The following POU2AF2 variants were observed in gnomAD, a reference collection of about 807,000 sequenced individuals.
POU2AF2 encodes the protein POU domain class 2-associating factor 2.
At chr11:111,270,289 A>G in the POU2AF2 span, among the ~76,000 whole-genome samples, 8 of 152,240 alleles carry the variant, frequency 5.3e-5, no homozygotes, top group African/African-American at 1.9e-4. Context: ...GCATAAATTA[A>G]TGTTTTTGTG....
the POU2AF2 span, among the ~76,000 whole-genome samples, chr11:111,262,039 T>C: frequency 6.6e-6 from 1 of 152,226 alleles, no homozygotes; most frequent in Non-Finnish European, 1.5e-5. Context: ...CAAATCAGTA[T>C]TACTTACAGT....
the POU2AF2 span, among the ~76,000 whole-genome samples, chr11:111,285,063 A>G: frequency 6.6e-6 from 1 of 152,242 alleles, no homozygotes; most frequent in African/African-American, 2.4e-5. Flanking sequence ...GCAACAACTC[A>G]GGATATATTT....
At chr11:111,279,808 G>A in the POU2AF2 span, among the ~76,000 whole-genome samples, 1 of 151,796 alleles carries the variant, frequency 6.6e-6, no homozygotes, top group African/African-American at 2.4e-5. Context: ...TTGGGAGGCC[G>A]AAACAGGTAG....
At chr11:111,274,634 C>T in the POU2AF2 span, among the ~76,000 whole-genome samples, 45 of 150,598 alleles carry the variant, frequency 3.0e-4, no homozygotes, top group African/African-American at 1.0e-3. Context: ...AGCACCCCAC[C>T]CGATCCTCTT....
chr11:111,286,014 G>GTAT, the POU2AF2 span: 1 of 1,613,866 alleles, frequency 6.2e-7, no homozygotes, highest in Non-Finnish European at 8.5e-7. Context: ...GAAGATGGGA[G>GTAT]TATTGCCTGG....
the POU2AF2 span, chr11:111,281,422 C>G: frequency 1.2e-6 from 2 of 1,613,710 alleles, no homozygotes; most frequent in Non-Finnish European, 1.7e-6. Flanking sequence ...CTCTCAGTCT[C>G]CATTTGTGCA....
At chr11:111,283,937 C>A in the POU2AF2 span, 4 of 785,460 alleles carry the variant, frequency 5.1e-6, no homozygotes, top group Admixed American at 4.7e-5. Flanking sequence ...CTTTTCAAGA[C>A]ATTTCTCTAT....
chr11:111,261,593 G>A, the POU2AF2 span, among the ~76,000 whole-genome samples: 5 of 150,410 alleles, frequency 3.3e-5, no homozygotes, highest in African/African-American at 1.2e-4. Flanking sequence ...AAAACTTGCT[G>A]TGTAGGAAAA....
At chr11:111,266,346 G>T in the POU2AF2 span, among the ~76,000 whole-genome samples, 2 of 152,050 alleles carry the variant, frequency 1.3e-5, no homozygotes, top group African/African-American at 4.8e-5. Context: ...ACCTCAGAAC[G>T]TGTCCCACCC....
At chr11:111,271,239 C>T in the POU2AF2 span, among the ~76,000 whole-genome samples, 1 of 151,944 alleles carries the variant, frequency 6.6e-6, no homozygotes. Flanking sequence ...AGGAGAATCG[C>T]TTGAACCCAG....
chr11:111,281,392 T>C, the POU2AF2 span: 12 of 1,609,774 alleles, frequency 7.5e-6, no homozygotes, highest in South Asian at 1.3e-4. Flanking sequence ...TCTGTTTACC[T>C]TCCAGGGCAG....
the POU2AF2 span, among the ~76,000 whole-genome samples, chr11:111,278,360 G>A: frequency 2.6e-5 from 4 of 152,186 alleles, no homozygotes; most frequent in Non-Finnish European, 4.4e-5. Context: ...GGAGAAGTTC[G>A]AACTCGAGGT....
chr11:111,284,634 A>AT, the POU2AF2 span, among the ~76,000 whole-genome samples: 1 of 152,166 alleles, frequency 6.6e-6, no homozygotes, highest in Non-Finnish European at 1.5e-5. Context: ...ATTTATATCC[A>AT]TTTTGTTAAT....
the POU2AF2 span, among the ~76,000 whole-genome samples, chr11:111,265,164 G>T: frequency 6.6e-6 from 1 of 152,116 alleles, no homozygotes; most frequent in African/African-American, 2.4e-5. Flanking sequence ...AACCAATTTT[G>T]TCTGCAGCAT....
the POU2AF2 span, among the ~76,000 whole-genome samples, chr11:111,266,185 C>A: frequency 6.6e-6 from 1 of 152,118 alleles, no homozygotes; most frequent in Non-Finnish European, 1.5e-5. Flanking sequence ...GCTGACCTAA[C>A]AAGTGATGTG....
the POU2AF2 span, among the ~76,000 whole-genome samples, chr11:111,271,397 A>G: frequency 6.6e-6 from 1 of 151,260 alleles, no homozygotes; most frequent in East Asian, 1.9e-4. Flanking sequence ...CGTGGCTCAA[A>G]AAAACTCTTT....
chr11:111,264,577 G>GAAAGAAGGA, the POU2AF2 span, among the ~76,000 whole-genome samples: 2 of 22,930 alleles, frequency 8.7e-5, no homozygotes, highest in African/African-American at 2.9e-4. Flanking sequence ...AGAAAGAAAG[G>GAAAGAAGGA]GAGAGAGAAA....
chr11:111,251,236 G>A, the POU2AF2 span, among the ~76,000 whole-genome samples: 1 of 152,136 alleles, frequency 6.6e-6, no homozygotes, highest in African/African-American at 2.4e-5. Flanking sequence ...TTTGTAGGTA[G>A]CACCATCAGG....
the POU2AF2 span, among the ~76,000 whole-genome samples, chr11:111,278,949 G>A: frequency 6.6e-6 from 1 of 152,180 alleles, no homozygotes; most frequent in Non-Finnish European, 1.5e-5. Context: ...GTAATATGGA[G>A]AGAATGTAAT....
Sources: gnomAD v4.1 joint callset for allele counts (sites outside exome capture counted in the v4.1 genomes callset) on GRCh38, gnomAD v4.1.1 for gene constraint, MANE v1.5 for transcripts, NCBI Gene and HGNC (gene_info 2026-07-23, HGNC 2026-07-21) for gene names.